The following UBE4B variants were observed in gnomAD, a reference collection of about 807,000 sequenced individuals.
UBE4B encodes ubiquitin conjugation factor E4 B.
In UBE4B, 27 loss-of-function variants were observed where a neutral mutation model predicts 148.1. The ratio of observed to expected loss-of-function variants is 0.18; its 90% CI spans 0.13 to 0.25. UBE4B has a LOEUF of 0.25. Ranked by LOEUF, UBE4B falls within the 10% of genes least tolerant of loss-of-function variation. The pLI, the probability that UBE4B is intolerant of heterozygous loss-of-function variation, is 1.00. For missense variants in UBE4B, 1,170 were observed against 1,662.4 expected (o/e 0.70, Z 5.15); for synonymous variants, 596 against 619.3 (o/e 0.96, Z 0.56).
chr1:10,044,357 G>C (rs1312871023), intron 1 of UBE4B, among the ~76,000 whole-genome samples: 4 of 149,210 alleles, frequency 2.7e-5, no homozygotes, highest in African/African-American at 7.4e-5. Flanking sequence ...GCCTGGCCCA[G>C]TTCCATATTT....
intron 1 of UBE4B, among the ~76,000 whole-genome samples, chr1:10,055,846 G>T (rs1288621360): frequency 6.6e-6 from 1 of 152,158 alleles, no homozygotes; most frequent in African/African-American, 2.4e-5. Context: ...CTTGAAGCTG[G>T]GGATGGAGGT....
intron 1 of UBE4B, among the ~76,000 whole-genome samples, chr1:10,056,041 C>T (rs535364388): frequency 2.6e-5 from 4 of 152,338 alleles, no homozygotes; most frequent in African/African-American, 9.6e-5. Flanking sequence ...ATACCATCCA[C>T]TTCTATCCCC....
At chr1:10,166,617 A>G (rs1646249874) in intron 23 of UBE4B, among the ~76,000 whole-genome samples, 1 of 151,912 alleles carries the variant, frequency 6.6e-6, no homozygotes, top group South Asian at 2.1e-4. Flanking sequence ...GTGAAACCCC[A>G]TCTCTACTAA....
At chr1:10,100,584 C>T (rs751125840) in intron 3 of UBE4B, among the ~76,000 whole-genome samples, 5 of 152,054 alleles carry the variant, frequency 3.3e-5, no homozygotes, top group Non-Finnish European at 5.9e-5. Context: ...GACGGAGTTT[C>T]GCTCTTGTTG....
chr1:10,047,697 T>G (rs1409784223), intron 1 of UBE4B, among the ~76,000 whole-genome samples: 1 of 151,930 alleles, frequency 6.6e-6, no homozygotes, highest in African/African-American at 2.4e-5. Context: ...TTTCACCACG[T>G]TAGCTAGGAT....
intron 7 of UBE4B, among the ~76,000 whole-genome samples, chr1:10,111,423 A>G (rs2101904100): frequency 6.6e-6 from 1 of 152,102 alleles, no homozygotes; most frequent in East Asian, 1.9e-4. Context: ...AGACAGCTGT[A>G]TGGCCGGCTC....
In UBE4B at chr1:10,129,397, A is replaced by T; in HGVS notation, c.1644A>T (p.Leu548=). 1.2e-6 allele frequency: 2 copies of T among 1,611,684 alleles called. No homozygotes were observed. Among genetic ancestry groups the T allele is most frequent in the Non-Finnish European group, 1.7e-6 (2 of 1,177,986 alleles). ...GACTCTGATCTTATTTCTAGGCACT[A>T]GGTGAGCTCTGTGAAACCAAGTTTG... The part of the protein sequence containing the change: ...SDYFKYPLMA[L]GELCETKFGK... Residue 548 remains leucine (L), a synonymous_variant, in exon 12 of 28, where the codon CTA becomes CTT. Transcript: ENST00000343090.
Position 10,106,695 on chromosome 1 carries a change from G to A in UBE4B, c.1196+112G>A, listed in dbSNP as rs143097895. On this transcript the variant is annotated intron_variant, in intron 7 of 27. Transcript: ENST00000343090. This position sits in a 1 kb window ranked among gnomAD's most constrained non-coding sequence, Gnocchi z 4.2. ...TGACTCTGTTAAATTGTTGTTTTGG[G>A]TTATTAACCTGTGTGGCTAACTAGT... 3.0e-4 allele frequency: 415 copies of A among 1,370,004 alleles called. 2 individuals carry two copies. In the African/African-American group the frequency reaches 5.2e-3, roughly 17 times the overall value. The allele number at this position is 1,370,004 out of a possible 1,614,324, so 84.9% of individuals were successfully genotyped here. A position where few individuals can be genotyped will look rare whatever the true frequency, so the allele number is the denominator to read the frequency against.
chr1:10,179,247 T>C, intron 26 of UBE4B, 169 bp from the exon 27 acceptor site: 1 of 739,728 alleles, frequency 1.4e-6, no homozygotes, highest in Non-Finnish European at 2.1e-6. Context: ...CAAAAGGCAA[T>C]GTATATGCCT....
At chr1:10,131,450 A>C (rs2101943570) in intron 14 of UBE4B, among the ~76,000 whole-genome samples, 1 of 152,282 alleles carries the variant, frequency 6.6e-6, no homozygotes, top group South Asian at 2.1e-4. Context: ...ACGCCACTGC[A>C]CATCAGCCTG....
chr1:10,096,577 C>A (rs1644931104), intron 3 of UBE4B, among the ~76,000 whole-genome samples: 1 of 152,126 alleles, frequency 6.6e-6, no homozygotes, highest in South Asian at 2.1e-4. Context: ...AAAAACTTAG[C>A]TGGGCCTGGT....
rs1557581354 is a variant in UBE4B, at chr1:10,130,829, A to G, written c.1911+16A>G. On this transcript the variant is annotated intron_variant, in intron 14 of 27. Coordinates refer to ENST00000343090, the MANE Select transcript of UBE4B (RefSeq NM_001105562.3). ...GCTCGGAAGGGTAAGTGTTCAGAAA[A>G]CAAATCCAGAGGAAGTATCAAAGAT... is the stretch of plus-strand genomic sequence containing the variant. 1 of 1,606,188 alleles carries G rather than the reference A, an allele frequency of 6.2e-7. No individual in the cohort carries two copies. Among genetic ancestry groups the G allele is most frequent in the East Asian group, 2.2e-5 (1 of 44,830 alleles).
intron 5 of UBE4B, among the ~76,000 whole-genome samples, chr1:10,103,664 C>T (rs1255475810): frequency 7.1e-6 from 1 of 140,964 alleles, no homozygotes; most frequent in Non-Finnish European, 1.5e-5. Context: ...CAGAGTCTTG[C>T]TCTGGCACCA....
intron 3 of UBE4B, among the ~76,000 whole-genome samples, chr1:10,097,010 G>C (rs1253378751): frequency 2.0e-5 from 3 of 150,688 alleles, no homozygotes; most frequent in Middle Eastern, 3.4e-3. Context: ...CTGCCCTCCA[G>C]CCTGGGTGAC....
rs1212562448 is a variant in UBE4B at position 10,179,874 on chromosome 1, C to T, written c.3848-21C>T. Reference sequence around the variant, plus strand: ...AGCCCTCCCATCTGGGGCATTAATCCTCCTTTTTTTCTTTTCTCAGTGCCA... The same window carrying T: ...AGCCCTCCCATCTGGGGCATTAATCTTCCTTTTTTTCTTTTCTCAGTGCCA... On this transcript the variant is annotated intron_variant, in intron 27 of 27. Coordinates refer to ENST00000343090, the MANE Select transcript of UBE4B (RefSeq NM_001105562.3). 1.9e-6 allele frequency: 3 copies of T among 1,613,158 alleles called. No homozygotes were observed. The South Asian group carries it at 3.3e-5, about 18-fold the overall frequency.
In UBE4B at chr1:10,126,302, TATAGATAGATAG is replaced by T. The variant is rs71583842; in HGVS notation, c.1555-450_1555-439del. 4.0e-3 allele frequency among the ~76,000 whole-genome samples: 595 copies of T among 147,374 alleles called. 3 individuals are homozygous for T. The highest frequency in any genetic ancestry group is 0.013 in the East Asian group (66 of 5,016). On this transcript the variant is annotated intron_variant, in intron 10 of 27. Coordinates refer to ENST00000343090, the MANE Select transcript of UBE4B (RefSeq NM_001105562.3). ...GTGACAGAGCGAGACTCCGTCTCAA[TATAGATAGATAG>T]ATAGATAGATAGATAGATAGATAGA...
At chr1:10,054,500 C>T in intron 1 of UBE4B, 1 of 423,506 alleles carries the variant, frequency 2.4e-6, no homozygotes, top group South Asian at 2.1e-5. Flanking sequence ...CATTGGTTCT[C>T]ACACAGTGTG....
intron 3 of UBE4B, among the ~76,000 whole-genome samples, chr1:10,098,777 A>C (rs547288993): frequency 1.3e-5 from 2 of 152,352 alleles, no homozygotes; most frequent in Non-Finnish European, 2.9e-5. Context: ...GGCATCTACC[A>C]AAAAACTACA....
rs960428805 is a variant in UBE4B at position 10,106,063 on chromosome 1, T to C, written c.810-134T>C. On this transcript the variant is annotated intron_variant, in intron 6 of 27. Transcript: ENST00000343090. This position sits in a 1 kb window ranked among gnomAD's most constrained non-coding sequence, Gnocchi z 4.2. ...ATAGGGCAATTAGATTATAATTATT[T>C]AGATGTTTATCTGCTAGATATACTT... The C allele has an allele frequency of 4.5e-5, 47 of 1,046,068 alleles. No homozygotes were observed. The highest frequency in any genetic ancestry group is 6.2e-5 in the Non-Finnish European group (46 of 739,718). 64.8% of individuals were successfully genotyped at this position (1,046,068 alleles called of 1,614,324 possible).
Sources: allele counts gnomAD v4.1 joint callset (sites outside exome capture counted in the v4.1 genomes callset), GRCh38; gene constraint gnomAD v4.1.1; non-coding constraint Gnocchi (gnomAD v3.1); transcripts MANE v1.5; gene names NCBI Gene and HGNC (gene_info 2026-07-23, HGNC 2026-07-21).